The following WWOX variants were observed in gnomAD, a reference collection of about 807,000 sequenced individuals.
WWOX encodes WW domain containing oxidoreductase, also known as WW domain-containing oxidoreductase.
A neutral mutation model predicts 46.2 loss-of-function variants in WWOX; 69 were observed. The ratio of observed to expected loss-of-function variants is 1.49; its 90% CI spans 1.23 to 1.82. The LOEUF (loss-of-function observed/expected upper bound fraction) is 1.82. Ranked by LOEUF, WWOX falls within the 40% of genes most tolerant of loss-of-function variation. WWOX has a pLI of 0.00. For missense variants in WWOX, 919 were observed against 542.6 expected (o/e 1.69, Z -6.89); for synonymous variants, 359 against 202.6 (o/e 1.77, Z -6.56).
At chr16:78,853,053 C>G (rs1173882237) in intron 8 of WWOX, among the ~76,000 whole-genome samples, 1 of 152,126 alleles carries the variant, frequency 6.6e-6, no homozygotes, top group African/African-American at 2.4e-5. Flanking sequence ...TTCTTATCTG[C>G]AAAATGAGAA....
intron 8 of WWOX, among the ~76,000 whole-genome samples, chr16:79,100,980 C>A (rs2049180466): frequency 6.6e-6 from 1 of 151,674 alleles, no homozygotes; most frequent in African/African-American, 2.4e-5. Flanking sequence ...GTAGAAAGGT[C>A]TTGTGGTGGG....
At chr16:78,597,689 A>G (rs2045522819) in intron 8 of WWOX, among the ~76,000 whole-genome samples, 1 of 151,812 alleles carries the variant, frequency 6.6e-6, no homozygotes, top group Non-Finnish European at 1.5e-5. Flanking sequence ...TGCCTCAGTG[A>G]TCTTCTATAA....
intron 8 of WWOX, among the ~76,000 whole-genome samples, chr16:78,838,074 C>A (rs1416702869): frequency 6.6e-6 from 1 of 152,108 alleles, no homozygotes; most frequent in African/African-American, 2.4e-5. Context: ...TGGCTGTGTG[C>A]CTTCTGCTTT....
At chr16:78,125,144 C>T (rs904340767) in intron 4 of WWOX, among the ~76,000 whole-genome samples, 2 of 152,140 alleles carry the variant, frequency 1.3e-5, no homozygotes, top group Admixed American at 1.3e-4. Context: ...TGTTGTATTA[C>T]ATTGATAGCC....
intron 8 of WWOX, among the ~76,000 whole-genome samples, chr16:78,934,303 A>G (rs1217718783): frequency 7.0e-6 from 1 of 143,628 alleles, no homozygotes; most frequent in Non-Finnish European, 1.5e-5. Context: ...GCACCACTGC[A>G]CTCTAGCCTG....
chr16:79,127,684 G>T (rs1225292446), intron 8 of WWOX, among the ~76,000 whole-genome samples: 1 of 151,136 alleles, frequency 6.6e-6, no homozygotes, highest in Non-Finnish European at 1.5e-5. Flanking sequence ...CATAGATATT[G>T]CCAAATTGCC....
chr16:79,211,557 C>CATCA (rs761394648), intron 8 of WWOX, 51 bp from the exon 9 acceptor site: 1 of 1,612,310 alleles, frequency 6.2e-7, no homozygotes, highest in Non-Finnish European at 8.5e-7. Flanking sequence ...GACGCCATCT[C>CATCA]ATCACTCCTT....
intron 5 of WWOX, among the ~76,000 whole-genome samples, chr16:78,337,105 G>A (rs4493047): frequency 0.89 from 134,961 of 152,136 alleles, 60,107 homozygotes; most frequent in African/African-American, 0.96. Context: ...ATTTTAAGTA[G>A]CTGGTAACTC....
At chr16:79,126,730 A>G (rs983740876) in intron 8 of WWOX, among the ~76,000 whole-genome samples, 1 of 152,212 alleles carries the variant, frequency 6.6e-6, no homozygotes, top group Non-Finnish European at 1.5e-5. Flanking sequence ...TTGAGGGGTC[A>G]GTGGTGGACC....
At chr16:79,102,029 G>C (rs894535344) in intron 8 of WWOX, among the ~76,000 whole-genome samples, 2 of 134,488 alleles carry the variant, frequency 1.5e-5, no homozygotes, top group African/African-American at 5.6e-5. Flanking sequence ...AAGGTGGAGG[G>C]TGGTGGGGGT....
chr16:78,136,070 CTATT>C (rs1178289209), intron 4 of WWOX, among the ~76,000 whole-genome samples: 1 of 151,970 alleles, frequency 6.6e-6, no homozygotes, highest in Non-Finnish European at 1.5e-5. Context: ...TTTGATGAAT[CTATT>C]TATTACTTCT....
At chr16:78,449,451 A>G (rs2083639406) in intron 8 of WWOX, among the ~76,000 whole-genome samples, 1 of 152,112 alleles carries the variant, frequency 6.6e-6, no homozygotes, top group Admixed American at 6.6e-5. Context: ...TACAACTTGA[A>G]TTTTGTTTTA....
intron 8 of WWOX, among the ~76,000 whole-genome samples, chr16:79,040,195 G>A (rs941679749): frequency 2.0e-5 from 3 of 151,848 alleles, no homozygotes; most frequent in African/African-American, 7.3e-5. Context: ...TTCATCCTTG[G>A]TATGACCTCC....
intron 8 of WWOX, among the ~76,000 whole-genome samples, chr16:78,435,258 G>C (rs2083308363): frequency 6.6e-6 from 1 of 152,146 alleles, no homozygotes; most frequent in South Asian, 2.1e-4. Context: ...CGTACCTGTA[G>C]TGTGTCTTAG....
intron 8 of WWOX, among the ~76,000 whole-genome samples, chr16:79,021,426 A>C (rs976427830): frequency 6.6e-6 from 1 of 152,142 alleles, no homozygotes; most frequent in African/African-American, 2.4e-5. Flanking sequence ...TGAATACATA[A>C]AACGCACGGG....
At chr16:78,552,324 A>G (rs1722080076) in intron 8 of WWOX, 1 of 152,210 alleles carries the variant, frequency 6.6e-6, no homozygotes, top group South Asian at 2.1e-4. Flanking sequence ...GGGATCCAGG[A>G]GGGGAGAAGG....
intron 8 of WWOX, among the ~76,000 whole-genome samples, chr16:78,805,653 A>C (rs2051015449): frequency 6.6e-6 from 1 of 152,178 alleles, no homozygotes; most frequent in Admixed American, 6.5e-5. Flanking sequence ...TTTTAGATTA[A>C]TCACTGTTAA....
At chr16:78,756,486 C>G (rs760984102) in intron 8 of WWOX, among the ~76,000 whole-genome samples, 2 of 152,056 alleles carry the variant, frequency 1.3e-5, no homozygotes, top group Non-Finnish European at 2.9e-5. Context: ...TACCTTAGAC[C>G]ATGAGGAGAT....
intron 8 of WWOX, among the ~76,000 whole-genome samples, chr16:79,190,832 G>A (rs1178722087): frequency 6.6e-6 from 1 of 152,200 alleles, no homozygotes; most frequent in Non-Finnish European, 1.5e-5. Context: ...TAAATGTAGA[G>A]CCTGCAAAGT....
Sources: gnomAD v4.1 joint callset for allele counts (sites outside exome capture counted in the v4.1 genomes callset) on GRCh38, gnomAD v4.1.1 for gene constraint, MANE v1.5 for transcripts, NCBI Gene and HGNC (gene_info 2026-07-23, HGNC 2026-07-21) for gene names.